The following SAMMSON variants were observed in gnomAD, a reference collection of about 807,000 sequenced individuals.
SAMMSON encodes long intergenic non-protein coding RNA 1212.
intron 2 of SAMMSON, among the ~76,000 whole-genome samples, chr3:70,418,818 G>C (rs1208246367): frequency 2.0e-5 from 3 of 152,122 alleles, no homozygotes; most frequent in African/African-American, 7.2e-5. Context: ...AAGAGGTAGT[G>C]AGCTATCATT....
At chr3:70,274,229 G>A (rs1338693220) in intron 6 of SAMMSON, among the ~76,000 whole-genome samples, 1 of 151,786 alleles carries the variant, frequency 6.6e-6, no homozygotes, top group Non-Finnish European at 1.5e-5. Flanking sequence ...CAATTGATAT[G>A]TTTTAATACT....
At chr3:70,072,666 A>G (rs867620963) in intron 4 of SAMMSON, 11 of 130,266 alleles carry the variant, frequency 8.4e-5, no homozygotes, top group Non-Finnish European at 1.2e-4. Flanking sequence ...AAAAAAAAAA[A>G]CAGAAAAAAA....
chr3:70,365,514 C>T (rs1405242026), intron 9 of SAMMSON, among the ~76,000 whole-genome samples: 1 of 151,726 alleles, frequency 6.6e-6, no homozygotes, highest in African/African-American at 2.4e-5. Flanking sequence ...AGAGCCTCCC[C>T]ATTTCTTATC....
intron 7 of SAMMSON, among the ~76,000 whole-genome samples, chr3:70,300,894 A>G (rs1702342056): frequency 6.6e-6 from 1 of 151,980 alleles, no homozygotes; most frequent in East Asian, 1.9e-4. Flanking sequence ...TATGTCTCCA[A>G]GTTATGTTGC....
At chr3:70,178,072 A>T (rs1192029393) in intron 4 of SAMMSON, among the ~76,000 whole-genome samples, 1 of 152,184 alleles carries the variant, frequency 6.6e-6, no homozygotes. Context: ...GCCGTTACAC[A>T]TGCTGGCAGG....
intron 4 of SAMMSON, among the ~76,000 whole-genome samples, chr3:70,234,864 AT>A (rs1461733938): frequency 6.6e-6 from 1 of 152,094 alleles, no homozygotes; most frequent in Non-Finnish European, 1.5e-5. Context: ...CTTCTCACTT[AT>A]TCAAATCTTG....
rs1438770092 is a variant in SAMMSON at position 70,366,079 on chromosome 3, T to C, written n.913+7755T>C. Among the ~76,000 whole-genome samples, 16 of 44,696 alleles carry C rather than the reference T, an allele frequency of 3.6e-4. 4 individuals are homozygous for C. The highest frequency in any genetic ancestry group is 5.3e-4 in the Non-Finnish European group (11 of 20,706). The allele number at this position is 44,696 out of a possible 152,430, so 29.3% of individuals were successfully genotyped here. On this transcript the variant is annotated intron_variant and non_coding_transcript_variant, in intron 9 of 9. Coordinates refer to ENST00000642114, the Ensembl canonical transcript of SAMMSON. ...AATCTCGGCTCACTGCAAGCTCCGC[T>C]TCCCGGGTTCACGCCATTCTCCTGC...
chr3:70,328,658 T>C (rs547743705), intron 7 of SAMMSON, among the ~76,000 whole-genome samples: 68 of 152,176 alleles, frequency 4.5e-4, no homozygotes, highest in African/African-American at 1.5e-3. Flanking sequence ...AAATAAGGAA[T>C]TGGGCATCAG....
chr3:70,194,970 T>C (rs1180019673), intron 4 of SAMMSON, among the ~76,000 whole-genome samples: 1 of 152,056 alleles, frequency 6.6e-6, no homozygotes, highest in Non-Finnish European at 1.5e-5. Flanking sequence ...TGTTGATGAG[T>C]CAGTCTGGTA....
intron 7 of SAMMSON, among the ~76,000 whole-genome samples, chr3:70,349,615 A>T (rs138106206): frequency 2.6e-5 from 4 of 152,300 alleles, no homozygotes; most frequent in Non-Finnish European, 5.9e-5. Context: ...CATTAAATGC[A>T]CTTGAGCTTG....
chr3:70,422,549 A>G (rs1391157883), intron 2 of SAMMSON, among the ~76,000 whole-genome samples: 1 of 152,038 alleles, frequency 6.6e-6, no homozygotes, highest in Non-Finnish European at 1.5e-5. Context: ...ATCAAATTGT[A>G]TCCACATTGT....
intron 6 of SAMMSON, among the ~76,000 whole-genome samples, chr3:70,275,938 A>G (rs1702021044): frequency 6.6e-6 from 1 of 152,194 alleles, no homozygotes; most frequent in Non-Finnish European, 1.5e-5. Context: ...GTAACTAATC[A>G]GCTTTGATTA....
At chr3:70,166,155 C>T (rs2067636030) in intron 4 of SAMMSON, among the ~76,000 whole-genome samples, 1 of 151,944 alleles carries the variant, frequency 6.6e-6, no homozygotes, top group Non-Finnish European at 1.5e-5. Flanking sequence ...GCCTCAGAGT[C>T]AGCCAAACCT....
At chr3:70,198,201 A>C (rs1430571098) in intron 4 of SAMMSON, among the ~76,000 whole-genome samples, 3 of 152,184 alleles carry the variant, frequency 2.0e-5, no homozygotes, top group African/African-American at 7.2e-5. Context: ...ACATTCTAGC[A>C]TGAATTAGAG....
intron 4 of SAMMSON, among the ~76,000 whole-genome samples, chr3:70,132,209 T>G (rs898079119): frequency 6.6e-6 from 1 of 152,128 alleles, no homozygotes; most frequent in South Asian, 2.1e-4. Flanking sequence ...CCCTCCTTTT[T>G]GTGACTTCAA....
intron 4 of SAMMSON, among the ~76,000 whole-genome samples, chr3:70,078,525 C>T (rs2067256707): frequency 6.6e-6 from 1 of 152,126 alleles, no homozygotes; most frequent in African/African-American, 2.4e-5. Context: ...CTTGAGCAAG[C>T]AGATGTGGAG....
chr3:70,169,324 C>T (rs550872190), intron 4 of SAMMSON, among the ~76,000 whole-genome samples: 181 of 152,084 alleles, frequency 1.2e-3, no homozygotes, highest in African/African-American at 3.5e-3. Context: ...TCAGCCACAG[C>T]TTTCAGGATA....
chr3:70,097,757 A>G (rs1032291917), intron 4 of SAMMSON, among the ~76,000 whole-genome samples: 1 of 152,190 alleles, frequency 6.6e-6, no homozygotes, highest in African/African-American at 2.4e-5. Context: ...ATAATCCTCA[A>G]AGGTTACTCG....
intron 4 of SAMMSON, among the ~76,000 whole-genome samples, chr3:70,142,370 A>T (rs1197183685): frequency 6.6e-6 from 1 of 152,208 alleles, no homozygotes; most frequent in Non-Finnish European, 1.5e-5. Context: ...AAAGGAATGA[A>T]TGAATGGCAT....
Sources: gnomAD v4.1 joint callset for allele counts (sites outside exome capture counted in the v4.1 genomes callset) on GRCh38, gnomAD v4.1.1 for gene constraint, MANE v1.5 for transcripts, NCBI Gene and HGNC (gene_info 2026-07-23, HGNC 2026-07-21) for gene names.